Variants in IGFN1 observed in about 807,000 individuals in gnomAD.
IGFN1 encodes the protein immunoglobulin-like and fibronectin type III domain-containing protein 1.
Under a neutral mutation model 289.5 loss-of-function variants are expected in IGFN1, and 253 were observed. That is an observed-to-expected ratio of 0.87 (90% CI 0.79 to 0.97). IGFN1 has a LOEUF of 0.97. Among genes scored for constraint, IGFN1 ranks in the 50% least tolerant of loss-of-function variants. IGFN1 has a pLI of 0.00. For synonymous variants in IGFN1, 1,706 were observed against 1,788.5 expected (o/e 0.95, Z 1.16); for missense variants, 4,470 against 4,686.1 (o/e 0.95, Z 1.35).
rs1216883835 is a variant in IGFN1, at chr1:201,220,058, TTC to T, written c.9899-1384_9899-1383del. On this transcript the variant is annotated intron_variant, in intron 18 of 23. Transcript: ENST00000335211. ...CCTGTCTTCTTTCTTTCTCTTTCTG[TTC>T]TTTTTTTTCCTTTCTTTCTCTTTTT... Among the ~76,000 whole-genome samples the T allele has an allele frequency of 2.2e-4, 6 of 26,852 alleles. No individual in the cohort carries two copies. The East Asian group carries it at 0.047, about 210-fold the overall frequency. 17.6% of individuals were successfully genotyped at this position (26,852 alleles called of 152,430 possible). A position where few individuals can be genotyped will look rare whatever the true frequency, so the allele number is the denominator to read the frequency against.
chr1:201,200,033 G>T (rs1346582760), intron 7 of IGFN1, among the ~76,000 whole-genome samples: 1 of 152,060 alleles, frequency 6.6e-6, no homozygotes, highest in Non-Finnish European at 1.5e-5. Context: ...TCTCCTGAAA[G>T]TTGTGGGGTG....
chr1:201,220,374 C>A (rs1653654733), intron 18 of IGFN1, among the ~76,000 whole-genome samples: 1 of 152,130 alleles, frequency 6.6e-6, no homozygotes, highest in African/African-American at 2.4e-5. Flanking sequence ...GAGACAGGGT[C>A]TCACTATATT....
At chr1:201,201,443 A>G (rs10157719) in intron 8 of IGFN1, among the ~76,000 whole-genome samples, 43,998 of 152,024 alleles carry the variant, frequency 0.29, 6,615 homozygotes, top group Non-Finnish European at 0.33. Flanking sequence ...GTGTTCAACT[A>G]ATGTTCGTTA....
At chr1:201,191,428 G>A (rs575979871) in intron 1 of IGFN1, among the ~76,000 whole-genome samples, 12 of 152,236 alleles carry the variant, frequency 7.9e-5, no homozygotes, top group Admixed American at 2.0e-4. Context: ...TCCTGGAGAG[G>A]GGGCAGGGAG....
In IGFN1 at chr1:201,195,983, G is replaced by A; in HGVS notation, c.267+5G>A. ...AGCAAGGAGCACGTGCTGCAGGTAA[G>A]AACCGTAGCTCTTCCCCTGACCAGG... On this transcript the variant is annotated splice_donor_5th_base_variant and intron_variant, in intron 4 of 23. Transcript: ENST00000335211. 6.4e-7 allele frequency: 1 copy of A among 1,551,440 alleles called. No homozygotes were observed. The highest frequency in any genetic ancestry group is 8.7e-7 in the Non-Finnish European group (1 of 1,146,870).
At position 201,195,213 on chromosome 1, in the gene IGFN1, G is replaced by A. The variant is rs774909595; in HGVS notation, c.128-626G>A. Among the ~76,000 whole-genome samples the A allele has an allele frequency of 7.9e-5, 12 of 151,710 alleles. No individual in the cohort carries two copies. In the East Asian group the frequency reaches 1.5e-3, roughly 20 times the overall value. On this transcript the variant is annotated intron_variant, in intron 3 of 23. Coordinates refer to ENST00000335211, the MANE Select transcript of IGFN1 (RefSeq NM_001164586.2). ...GTTGCCCAGGCTGGAGTGCAGTGGCGCAATCTCTGATCACTACAACATCTG... is the reference window on the plus strand; with the variant it reads ...GTTGCCCAGGCTGGAGTGCAGTGGCACAATCTCTGATCACTACAACATCTG...
At chr1:201,222,116 G>A in intron 19 of IGFN1, 1 of 176,248 alleles carries the variant, frequency 5.7e-6, no homozygotes, top group Non-Finnish European at 1.2e-5. Context: ...CCCGGGCATG[G>A]CCTTCGAAGG....
At chr1:201,217,975 A>C (rs1158795947) in intron 17 of IGFN1, among the ~76,000 whole-genome samples, 2 of 152,242 alleles carry the variant, frequency 1.3e-5, no homozygotes, top group African/African-American at 4.8e-5. Flanking sequence ...CTGAGATCAG[A>C]AAGAACTTGG....
At position 201,208,958 on chromosome 1, in the gene IGFN1, G is replaced by T; in HGVS notation, c.4065G>T (p.Gly1355=). Reference sequence around the variant, plus strand: ...AGGATTCCAGGGAAGCGGGTTCAGGGAGCAAGGCAGATTATAGCGGTGGTT... The same window carrying T: ...AGGATTCCAGGGAAGCGGGTTCAGGTAGCAAGGCAGATTATAGCGGTGGTT... ...GLQDSREAGS[G]SKADYSGGLK... Residue 1355 remains glycine, a synonymous_variant, in exon 12 of 24, where the codon GGG becomes GGT. Transcript: ENST00000335211. The T allele has an allele frequency of 3.9e-6, 6 of 1,536,512 alleles. No homozygotes were observed. Among genetic ancestry groups the T allele is most frequent in the Non-Finnish European group, 5.2e-6 (6 of 1,146,746 alleles).
intron 9 of IGFN1, among the ~76,000 whole-genome samples, chr1:201,202,536 T>C (rs1291878811): frequency 6.6e-6 from 1 of 151,930 alleles, no homozygotes; most frequent in African/African-American, 2.4e-5. Flanking sequence ...GGCATGCTCA[T>C]CCCCGATATC....
At position 201,211,290 on chromosome 1, in the gene IGFN1, G is replaced by T; in HGVS notation, c.6397G>T (p.Glu2133Ter). Residue 2133 changes from glutamate (E) to a stop codon, truncating the protein, a stop_gained, in exon 12 of 24, where the codon GAA becomes TAA. Transcript: ENST00000335211. LOFTEE classifies it high-confidence loss of function. The part of the protein sequence containing the change: ...GFRDGLGSST[E>*]MGSVNEAGYR... The stretch of plus-strand genomic sequence containing the variant: ...TAGGGATGGTTTAGGGAGTTCTACA[G>T]AAATGGGGTCAGTGAATGAGGCAGG... The T allele has an allele frequency of 6.5e-7, 1 of 1,531,358 alleles. No individual in the cohort carries two copies. The highest frequency in any genetic ancestry group is 1.2e-5 in the South Asian group (1 of 83,672). 94.9% of individuals were successfully genotyped at this position (1,531,358 alleles called of 1,614,324 possible). A position where few individuals can be genotyped will look rare whatever the true frequency, so the allele number is the denominator to read the frequency against.
At chr1:201,201,940 A>C (rs1572170572) in intron 9 of IGFN1, 108 bp downstream of exon 9, 2 of 661,796 alleles carry the variant, frequency 3.0e-6, no homozygotes, top group East Asian at 5.5e-5. Flanking sequence ...CAACCAGAGC[A>C]CACAAGTGGT....
rs1653722724 is a variant in IGFN1, at chr1:201,221,507, G to T, written c.9962G>T (p.Ser3321Ile). Residue 3321 changes from serine to isoleucine, a missense_variant, in exon 19 of 24, where the codon AGC (serine) becomes ATC (isoleucine). Transcript: ENST00000335211. ...TDRSNTSITL[S>I]WAGPDTQEGD... is the part of the protein sequence containing the mutation. ...AGATCGAACACCAGCATCACTCTGA[G>T]CTGGGCTGGGCCAGACACCCAGGAA... The T allele has an allele frequency of 1.9e-6, 3 of 1,613,716 alleles. No homozygotes were observed. In the Admixed American group the frequency reaches 5.0e-5, roughly 27 times the overall value.
chr1:201,214,977 T>A, intron 13 of IGFN1, 36 bp from the exon 14 acceptor site: 1 of 1,602,214 alleles, frequency 6.2e-7, no homozygotes, highest in Non-Finnish European at 8.5e-7. Context: ...GGGATGGGAG[T>A]GGGGTGACCT....
rs1036050667 is a variant in IGFN1, at chr1:201,212,791, G to T, written c.7898G>T (p.Gly2633Val). 3 of 1,551,400 alleles carry T rather than the reference G, an allele frequency of 1.9e-6. No individual in the cohort carries two copies. The African/African-American group carries it at 4.1e-5, about 21-fold the overall frequency. Reference protein sequence around the residue: ...NAWAPDWENQGFSQGSIDAGK... With the variant: ...NAWAPDWENQVFSQGSIDAGK... ...TGGGCTCCTGATTGGGAAAACCAGG[G>T]GTTTAGCCAAGGCAGCATAGATGCT... is the stretch of plus-strand genomic sequence containing the variant. Residue 2633 changes from glycine (G) to valine (V), a missense_variant, in exon 12 of 24, where the codon GGG becomes GTG. Coordinates refer to ENST00000335211, the MANE Select transcript of IGFN1 (RefSeq NM_001164586.2).
At position 201,206,430 on chromosome 1, in the gene IGFN1, G is replaced by T; in HGVS notation, c.1537G>T (p.Gly513Cys). 1 of 1,551,186 alleles carries T rather than the reference G, an allele frequency of 6.4e-7. No individual in the cohort carries two copies. The highest frequency in any genetic ancestry group is 2.0e-5 in the Admixed American group (1 of 51,014). The change falls in exon 12 of 24, where the codon GGC (glycine) becomes TGC (cysteine). Residue 513 changes from glycine (G) to cysteine (C), a missense_variant. By Grantham distance (159) the Gly-to-Cys change is radical (BLOSUM62 -3). Transcript: ENST00000335211. The part of the protein sequence containing the change: ...PRENQSHREG[G>C]WARSLAERPH... The stretch of plus-strand genomic sequence containing the variant: ...GGAAAATCAATCCCACAGAGAGGGA[G>T]GCTGGGCCAGAAGCCTTGCAGAGAG...
At position 201,212,920 on chromosome 1, in the gene IGFN1, G is replaced by C. The variant is rs1463620965; in HGVS notation, c.8027G>C (p.Gly2676Ala). 6.4e-7 allele frequency: 1 copy of C among 1,551,400 alleles called. No individual in the cohort carries two copies. Among genetic ancestry groups the C allele is most frequent in the Admixed American group, 2.0e-5 (1 of 50,986 alleles). Residue 2676 changes from glycine to alanine, a missense_variant, in exon 12 of 24, where the codon GGT becomes GCT. By Grantham distance (60) the Gly-to-Ala change is moderately conservative. This residue lies in a region of IGFN1 where 2,218 missense variants were observed against 2,114.1 expected (regional missense o/e 1.05). Coordinates refer to ENST00000335211, the MANE Select transcript of IGFN1 (RefSeq NM_001164586.2). ...EGPGGFKGGE[G>A]APGQEAAGGC... is the part of the protein sequence containing the mutation. ...CCAGGGGGCTTTAAGGGTGGGGAGG[G>C]TGCACCAGGCCAAGAGGCGGCTGGT...
intron 2 of IGFN1, among the ~76,000 whole-genome samples, chr1:201,193,526 A>T (rs1379357037): frequency 2.0e-5 from 3 of 152,090 alleles, no homozygotes; most frequent in African/African-American, 7.2e-5. Flanking sequence ...ATCTCAGCTC[A>T]CTGCAACCTC....
At position 201,214,246 on chromosome 1, in the gene IGFN1, C is replaced by T. The variant is rs761573274; in HGVS notation, c.8798C>T (p.Ser2933Phe). The change falls in exon 13 of 24, where the codon TCC (serine) becomes TTC (phenylalanine). Residue 2933 changes from serine to phenylalanine, a missense_variant. Ser to Phe is a radical substitution (Grantham distance 155, BLOSUM62 -2). This residue lies in a region of IGFN1 where 2,218 missense variants were observed against 2,114.1 expected (regional missense o/e 1.05). Transcript: ENST00000335211. Reference protein sequence around the residue: ...EVQPGEAATLSCTLTSDLGPG... With the variant: ...EVQPGEAATLFCTLTSDLGPG... ...CAGCCGGGGGAGGCCGCCACACTCT[C>T]CTGTACCCTCACCAGTGACCTGGGA... is the stretch of plus-strand genomic sequence containing the variant. 2.5e-6 allele frequency: 4 copies of T among 1,613,560 alleles called. No individual in the cohort carries two copies. The highest frequency in any genetic ancestry group is 3.4e-6 in the Non-Finnish European group (4 of 1,179,724).
Sources: allele counts gnomAD v4.1 joint callset (sites outside exome capture counted in the v4.1 genomes callset), GRCh38; gene constraint gnomAD v4.1.1; regional missense constraint gnomAD v4.1.1; transcripts MANE v1.5; gene names NCBI Gene and HGNC (gene_info 2026-07-23, HGNC 2026-07-21).